The following EPHA5 variants were observed in gnomAD, a reference collection of about 807,000 sequenced individuals.
EPHA5 encodes EPH receptor A5.
A neutral mutation model predicts 105.0 loss-of-function variants in EPHA5; 60 were observed. The ratio of observed to expected loss-of-function variants is 0.57; its 90% CI spans 0.46 to 0.71. The LOEUF is 0.71. Among genes scored for constraint, EPHA5 ranks in the 30% least tolerant of loss-of-function variants. EPHA5 has a pLI of 0.00. For missense variants in EPHA5, 1,218 were observed against 1,274.7 expected (o/e 0.96, Z 0.68); for synonymous variants, 513 against 449.1 (o/e 1.14, Z -1.80).
chr4:65,459,762 T>C (rs1177622819), intron 5 of EPHA5, among the ~76,000 whole-genome samples: 1 of 151,846 alleles, frequency 6.6e-6, no homozygotes, highest in Non-Finnish European at 1.5e-5. Flanking sequence ...TCTCTTTTGT[T>C]AGAATGGAAA....
chr4:65,657,530 T>C (rs371998031), intron 1 of EPHA5, among the ~76,000 whole-genome samples: 2 of 152,304 alleles, frequency 1.3e-5, no homozygotes, highest in East Asian at 1.9e-4. Flanking sequence ...AAATACAGTA[T>C]TCTACTAACA....
chr4:65,587,768 C>T (rs967357294), intron 3 of EPHA5, among the ~76,000 whole-genome samples: 1 of 152,026 alleles, frequency 6.6e-6, no homozygotes, highest in Non-Finnish European at 1.5e-5. Flanking sequence ...TCCATCTTCC[C>T]GCTACTACAT....
chr4:65,392,519 A>G (rs1330912687), intron 8 of EPHA5, among the ~76,000 whole-genome samples: 1 of 152,256 alleles, frequency 6.6e-6, no homozygotes, highest in Non-Finnish European at 1.5e-5. Flanking sequence ...TGCCAAATAT[A>G]TCAATTTATA....
At chr4:65,400,313 C>T (rs1721689562) in intron 8 of EPHA5, among the ~76,000 whole-genome samples, 1 of 152,124 alleles carries the variant, frequency 6.6e-6, no homozygotes, top group African/African-American at 2.4e-5. Context: ...TATTTCCATC[C>T]TAAGATGATT....
chr4:65,400,505 C>T (rs533996054), intron 8 of EPHA5, among the ~76,000 whole-genome samples: 1 of 152,200 alleles, frequency 6.6e-6, no homozygotes, highest in South Asian at 2.1e-4. Flanking sequence ...ACATGTTATA[C>T]TTCTTTGCCA....
intron 3 of EPHA5, among the ~76,000 whole-genome samples, chr4:65,585,120 T>TTGTG (rs76180882): frequency 0.028 from 4,169 of 148,544 alleles, 166 homozygotes; most frequent in African/African-American, 0.087. Context: ...GCATGTGTGT[T>TTGTG]TGTGTGTGTG....
intron 14 of EPHA5, among the ~76,000 whole-genome samples, chr4:65,341,611 G>A (rs1408348656): frequency 6.6e-6 from 1 of 150,422 alleles, no homozygotes; most frequent in Non-Finnish European, 1.5e-5. Flanking sequence ...GTGTGTATAT[G>A]TATATATGTT....
At chr4:65,613,920 A>G (rs1412888454) in intron 2 of EPHA5, among the ~76,000 whole-genome samples, 1 of 151,982 alleles carries the variant, frequency 6.6e-6, no homozygotes, top group Non-Finnish European at 1.5e-5. Context: ...ACAGTGATTG[A>G]TCAACATTTA....
At chr4:65,528,518 T>A (rs1293380304) in intron 3 of EPHA5, among the ~76,000 whole-genome samples, 1 of 152,166 alleles carries the variant, frequency 6.6e-6, no homozygotes, top group South Asian at 2.1e-4. Flanking sequence ...GAGAATTCAA[T>A]GTGTACAGGC....
At chr4:65,545,391 AGATCGTATGTT>A (rs1219226641) in intron 3 of EPHA5, among the ~76,000 whole-genome samples, 1 of 151,920 alleles carries the variant, frequency 6.6e-6, no homozygotes, top group African/African-American at 2.4e-5. Context: ...GTATCTATGA[AGATCGTATGTT>A]GATGTCTTGA....
intron 3 of EPHA5, chr4:65,573,555 A>G: frequency 6.3e-7 from 1 of 1,598,350 alleles, no homozygotes; most frequent in Non-Finnish European, 8.5e-7. Context: ...GGGTAACCTC[A>G]AAGCTAAAAA....
At chr4:65,479,485 T>C (rs1015551308) in intron 5 of EPHA5, among the ~76,000 whole-genome samples, 19 of 152,184 alleles carry the variant, frequency 1.2e-4, no homozygotes, top group African/African-American at 4.6e-4. Flanking sequence ...AATAGAACTA[T>C]ATTAGGTACC....
chr4:65,353,318 T>G (rs1723008039), intron 11 of EPHA5, among the ~76,000 whole-genome samples: 1 of 147,678 alleles, frequency 6.8e-6, no homozygotes, highest in Non-Finnish European at 1.5e-5. Context: ...TAAAAACATT[T>G]TTAATATATT....
chr4:65,394,511 C>A (rs1040366696), intron 8 of EPHA5, among the ~76,000 whole-genome samples: 3 of 152,082 alleles, frequency 2.0e-5, no homozygotes, highest in Non-Finnish European at 4.4e-5. Context: ...GACAGACAGA[C>A]TAAAAATGAT....
At chr4:65,429,028 T>C (rs1473344657) in intron 5 of EPHA5, among the ~76,000 whole-genome samples, 3 of 152,024 alleles carry the variant, frequency 2.0e-5, no homozygotes, top group African/African-American at 7.2e-5. Context: ...ATTGAATGTG[T>C]TTTCCATTCA....
At chr4:65,540,950 G>C (rs1202357460) in intron 3 of EPHA5, among the ~76,000 whole-genome samples, 1 of 150,758 alleles carries the variant, frequency 6.6e-6, no homozygotes, top group African/African-American at 2.4e-5. Context: ...GAATGCTTTT[G>C]GACAAAGAAA....
intron 8 of EPHA5, among the ~76,000 whole-genome samples, chr4:65,369,968 A>C (rs1456340896): frequency 6.6e-6 from 1 of 152,026 alleles, no homozygotes; most frequent in Non-Finnish European, 1.5e-5. Context: ...CTCCATCTCA[A>C]CAACAACAAC....
intron 5 of EPHA5, among the ~76,000 whole-genome samples, chr4:65,473,565 T>C (rs550229237): frequency 1.5e-4 from 23 of 152,162 alleles, no homozygotes; most frequent in East Asian, 9.7e-4. Context: ...GATAAAACCA[T>C]TGGATCTCAT....
intron 5 of EPHA5, among the ~76,000 whole-genome samples, chr4:65,479,753 A>C (rs1401412976): frequency 6.6e-6 from 1 of 152,186 alleles, no homozygotes; most frequent in Non-Finnish European, 1.5e-5. Flanking sequence ...GGCCATAAGC[A>C]ACATGTATGG....
Sources: gnomAD v4.1 joint callset for allele counts (sites outside exome capture counted in the v4.1 genomes callset) on GRCh38, gnomAD v4.1.1 for gene constraint, MANE v1.5 for transcripts, NCBI Gene and HGNC (gene_info 2026-07-23, HGNC 2026-07-21) for gene names.